Variants in MROH1 observed in about 807,000 individuals in gnomAD.
MROH1 encodes the protein maestro heat-like repeat-containing protein family member 1.
MROH1 carries 117 observed loss-of-function variants against 116.5 expected under a neutral mutation model. The ratio of observed to expected loss-of-function variants is 1.00; its 90% CI spans 0.86 to 1.17. The LOEUF is 1.17. MROH1 is among the 50% of genes most tolerant of loss of function. MROH1 has a pLI of 0.00. For synonymous variants in MROH1, 921 were observed against 583.9 expected (o/e 1.58, Z -8.32); for missense variants, 1,873 against 1,338.5 (o/e 1.40, Z -6.23).
chr8:144,186,511 C>T (rs755888621), intron 7 of MROH1, among the ~76,000 whole-genome samples: 13 of 152,198 alleles, frequency 8.5e-5, no homozygotes, highest in Non-Finnish European at 1.8e-4. Context: ...CATGCCCCTG[C>T]TGCTGAACCC....
At chr8:144,202,632 GGGAGCGCAGGCTCT>G (rs2131868904) in intron 12 of MROH1, among the ~76,000 whole-genome samples, 1 of 60,292 alleles carries the variant, frequency 1.7e-5, no homozygotes. Context: ...GGGTGGGGAG[GGGAGCGCAGGCTCT>G]CTGTGGAGAG....
chr8:144,244,471 C>T lies in MROH1; in HGVS notation c.2698C>T (p.Leu900Phe). Residue 900 changes from leucine (L) to phenylalanine (F), a missense_variant, in exon 28 of 44, where the codon CTT becomes TTT. By Grantham distance (22) the Leu-to-Phe change is conservative (BLOSUM62 0). Transcript: ENST00000326134. Reference sequence around the variant, plus strand: ...CCTGTATCTGGAGACACTGCACGCCCTTGAGGATCTGCTGACGAGCCTCCT... The same window carrying T: ...CCTGTATCTGGAGACACTGCACGCCTTTGAGGATCTGCTGACGAGCCTCCT... ...KSLYLETLHALEDLLTSLLQR... is the reference protein window; with the variant it reads ...KSLYLETLHAFEDLLTSLLQR... The T allele has an allele frequency of 1.3e-6, 1 of 772,220 alleles. No homozygotes were observed. The highest frequency in any genetic ancestry group is 2.4e-6 in the Non-Finnish European group (1 of 414,142). The allele number at this position is 772,220 out of a possible 1,614,324, so 47.8% of individuals were successfully genotyped here.
chr8:144,227,719 G>A (rs1838066189), intron 14 of MROH1, among the ~76,000 whole-genome samples: 1 of 152,138 alleles, frequency 6.6e-6, no homozygotes, highest in Admixed American at 6.6e-5. Context: ...GGAGGCCAAG[G>A]CAGGAGGATC....
intron 4 of MROH1, among the ~76,000 whole-genome samples, chr8:144,170,811 T>C (rs147402458): frequency 0.012 from 1,808 of 152,252 alleles, 16 homozygotes; most frequent in Non-Finnish European, 0.018. Context: ...TTTAGACACA[T>C]CCAGTCTTGT....
chr8:144,202,411 C>T (rs1382487159), intron 12 of MROH1, among the ~76,000 whole-genome samples: 1 of 141,772 alleles, frequency 7.1e-6, no homozygotes, highest in African/African-American at 2.6e-5. Context: ...GAAGGGAGCA[C>T]CAGCTCTGTG....
intron 35 of MROH1, 62 bp downstream of exon 35, chr8:144,255,767 C>T (rs998223786): frequency 1.8e-4 from 127 of 702,792 alleles, no homozygotes; most frequent in East Asian, 8.1e-4. Flanking sequence ...TGCGTGTGCA[C>T]GCGCGTGGTG....
intron 29 of MROH1, among the ~76,000 whole-genome samples, chr8:144,246,023 C>G (rs1404846340): frequency 7.6e-6 from 1 of 130,918 alleles, no homozygotes; most frequent in Non-Finnish European, 1.6e-5. Flanking sequence ...CTTTCCCTCC[C>G]TCCCTCACCT....
At chr8:144,255,811 T>TGG (rs1446108524) in intron 35 of MROH1, 106 bp downstream of exon 35, 13 of 651,564 alleles carry the variant, frequency 2.0e-5, no homozygotes, top group African/African-American at 5.4e-5. Flanking sequence ...ACGGGGAGTG[T>TGG]GGGAGTGACT....
intron 13 of MROH1, 139 bp downstream of exon 13, chr8:144,220,812 C>T: frequency 1.4e-6 from 1 of 701,062 alleles, no homozygotes; most frequent in Non-Finnish European, 2.4e-6. Flanking sequence ...CAAAGGATGA[C>T]AGTGTGCCAT....
intron 7 of MROH1, among the ~76,000 whole-genome samples, chr8:144,189,173 G>A (rs1170043319): frequency 6.6e-6 from 1 of 152,218 alleles, no homozygotes; most frequent in East Asian, 1.9e-4. Context: ...GGGCCCATCA[G>A]AAGAACTCAA....
intron 12 of MROH1, among the ~76,000 whole-genome samples, chr8:144,218,321 C>T (rs973624322): frequency 2.6e-5 from 4 of 152,074 alleles, no homozygotes; most frequent in Non-Finnish European, 5.9e-5. Context: ...ATGCCAGTTT[C>T]TCCAGCAGCC....
intron 37 of MROH1, 28 bp from the exon 38 acceptor site, chr8:144,259,883 A>C (rs1204607949): frequency 2.8e-6 from 2 of 725,776 alleles, no homozygotes; most frequent in Non-Finnish European, 5.1e-6. Flanking sequence ...CAGCGGGGAG[A>C]GGGAAGTCAC....
chr8:144,244,037 C>T (rs1007647914), intron 26 of MROH1, 95 bp downstream of exon 26: 55 of 723,768 alleles, frequency 7.6e-5, no homozygotes, highest in East Asian at 3.5e-4. Flanking sequence ...TGTGCATGTG[C>T]GTGTGTGTGC....
intron 1 of MROH1, among the ~76,000 whole-genome samples, chr8:144,157,558 TGAG>T (rs1818455233): frequency 6.6e-6 from 1 of 152,194 alleles, no homozygotes; most frequent in East Asian, 1.9e-4. Context: ...TTTTTTACTA[TGAG>T]TTCGATTTCT....
chr8:144,260,769 G>A lies in MROH1; in HGVS notation c.4473G>A (p.Gln1491=). ...HGDCEDVFLD[Q]VVGGLAPLLL... is the part of the protein sequence containing the mutation. ...ACTGTGAGGACGTCTTCCTGGACCA[G>A]GTGGTGGGCGGGCTGGCGCCCCTGC... The change falls in exon 40 of 44, where the codon CAG becomes CAA. Residue 1491 remains glutamine (Q), a synonymous_variant. Coordinates refer to ENST00000326134, the MANE Select transcript of MROH1 (RefSeq NM_032450.3). The A allele has an allele frequency of 1.3e-6, 1 of 778,940 alleles. No homozygotes were observed. Among genetic ancestry groups the A allele is most frequent in the Non-Finnish European group, 2.4e-6 (1 of 417,792 alleles). The allele number at this position is 778,940 out of a possible 1,614,324, so 48.3% of individuals were successfully genotyped here.
intron 35 of MROH1, among the ~76,000 whole-genome samples, chr8:144,257,315 G>A (rs1844061948): frequency 6.6e-6 from 1 of 152,160 alleles, no homozygotes; most frequent in Non-Finnish European, 1.5e-5. Flanking sequence ...ACTCATCAAG[G>A]GCTGTGTGAG....
chr8:144,164,093 C>CTT (rs776748346), intron 3 of MROH1, among the ~76,000 whole-genome samples: 39 of 135,236 alleles, frequency 2.9e-4, no homozygotes, highest in African/African-American at 8.9e-4. Flanking sequence ...GTTTGTTTTA[C>CTT]TTTTTTTTTT....
intron 12 of MROH1, among the ~76,000 whole-genome samples, chr8:144,206,859 CCT>C (rs1832934262): frequency 6.6e-6 from 1 of 151,260 alleles, no homozygotes; most frequent in Non-Finnish European, 1.5e-5. Context: ...ATGGTGAAAC[CCT>C]CTCTCTACTA....
chr8:144,249,800 C>G (rs1233732247), intron 32 of MROH1, among the ~76,000 whole-genome samples: 1 of 152,230 alleles, frequency 6.6e-6, no homozygotes, highest in Non-Finnish European at 1.5e-5. Flanking sequence ...CAGCCCAGCT[C>G]CCGCAGGAGT....
Sources: allele counts gnomAD v4.1 joint callset (sites outside exome capture counted in the v4.1 genomes callset), GRCh38; gene constraint gnomAD v4.1.1; transcripts MANE v1.5; gene names NCBI Gene and HGNC (gene_info 2026-07-23, HGNC 2026-07-21).